Variants in PEF1 observed in about 807,000 individuals in gnomAD.
PEF1 encodes penta-EF-hand domain containing 1.
In PEF1, 17 loss-of-function variants were observed where a neutral mutation model predicts 32.0. The observed-to-expected ratio is 0.53, with a 90% CI of 0.36 to 0.80. PEF1 has a LOEUF of 0.80. Among genes scored for constraint, PEF1 ranks in the 30% least tolerant of loss-of-function variants. The pLI is 0.00. For synonymous variants in PEF1, 130 were observed against 139.8 expected (o/e 0.93, Z 0.50); for missense variants, 362 against 369.1 (o/e 0.98, Z 0.16).
intron 1 of PEF1, among the ~76,000 whole-genome samples, chr1:31,642,261 T>G (rs921092787): frequency 3.3e-5 from 5 of 152,104 alleles, no homozygotes; most frequent in Non-Finnish European, 7.4e-5. Flanking sequence ...AAAAAATTTT[T>G]TTCAAAAAAG....
intron 2 of PEF1, among the ~76,000 whole-genome samples, chr1:31,633,879 C>T (rs568504273): frequency 9.3e-5 from 14 of 151,142 alleles, no homozygotes; most frequent in Admixed American, 4.6e-4. Flanking sequence ...CGCTTGAACC[C>T]GGGAGGTGGA....
At chr1:31,639,203 T>C (rs1043391746) in intron 1 of PEF1, among the ~76,000 whole-genome samples, 4 of 152,080 alleles carry the variant, frequency 2.6e-5, no homozygotes, top group African/African-American at 9.7e-5. Context: ...AGAGTGAGCA[T>C]AGTGCATTCA....
chr1:31,644,819 C>G, intron 1 of PEF1, 22 bp downstream of exon 1: 1 of 1,613,756 alleles, frequency 6.2e-7, no homozygotes. Context: ...TACCTGGATT[C>G]GCGGGCCCCT....
At chr1:31,632,696 C>A in intron 3 of PEF1, 58 bp from the exon 4 acceptor site, 2 of 1,566,242 alleles carry the variant, frequency 1.3e-6, no homozygotes, top group Admixed American at 3.5e-5. Flanking sequence ...GCCAAGGGTC[C>A]CCCTCAGGAC....
intron 2 of PEF1, among the ~76,000 whole-genome samples, chr1:31,634,640 A>G (rs562035180): frequency 2.0e-5 from 3 of 152,048 alleles, no homozygotes; most frequent in Non-Finnish European, 4.4e-5. Flanking sequence ...AATATGGTAC[A>G]ATGGTTTAAA....
chr1:31,632,407 CAA>C (rs1217708586), intron 4 of PEF1, 86 bp downstream of exon 4: 19 of 1,599,324 alleles, frequency 1.2e-5, no homozygotes, highest in Non-Finnish European at 1.5e-5. Context: ...CATTCGGTAA[CAA>C]GAGGAAACCC....
At chr1:31,634,545 C>T (rs1640204921) in intron 2 of PEF1, among the ~76,000 whole-genome samples, 1 of 152,166 alleles carries the variant, frequency 6.6e-6, no homozygotes, top group East Asian at 1.9e-4. Flanking sequence ...AACTGAGTTT[C>T]TCCCCATGGT....
chr1:31,635,394 AG>A lies in PEF1; in HGVS notation c.152del (p.Pro51LeufsTer86), dbSNP rs774459728. 3.1e-6 allele frequency: 5 copies of A among 1,613,176 alleles called. No homozygotes were observed. The part of the protein sequence containing the change: ...PPGGGYGGPA[P>X]GGPYGPPAGG... ...CAGCTGGTGGTCCATAAGGCCCTCCAGGGGCAGGACCCCCATAACCACCACC... is the reference window on the plus strand; with the variant it reads ...CAGCTGGTGGTCCATAAGGCCCTCCAGGGCAGGACCCCCATAACCACCACC... On this transcript the variant is annotated frameshift_variant, in exon 2 of 5. Transcript: ENST00000373703. LOFTEE classifies it high-confidence loss of function.
At chr1:31,636,566 G>A (rs547380499) in intron 1 of PEF1, among the ~76,000 whole-genome samples, 1 of 152,292 alleles carries the variant, frequency 6.6e-6, no homozygotes, top group African/African-American at 2.4e-5. Context: ...TCCTCTCTAA[G>A]CCTCAACATC....
chr1:31,639,977 T>G (rs1229594589), intron 1 of PEF1, among the ~76,000 whole-genome samples: 3 of 152,164 alleles, frequency 2.0e-5, no homozygotes, highest in Non-Finnish European at 4.4e-5. Flanking sequence ...TCCACGTTCT[T>G]TTACACTACT....
chr1:31,630,925 G>T, intron 4 of PEF1, 83 bp from the exon 5 acceptor site: 1 of 1,184,064 alleles, frequency 8.4e-7, no homozygotes, highest in Non-Finnish European at 1.2e-6. Flanking sequence ...GATCACAACA[G>T]TTCAAGGAAC....
At chr1:31,634,438 T>C (rs1307570455) in intron 2 of PEF1, among the ~76,000 whole-genome samples, 2 of 152,146 alleles carry the variant, frequency 1.3e-5, no homozygotes, top group Admixed American at 1.3e-4. Flanking sequence ...CCAGAATTGT[T>C]GTGATGATTA....
intron 1 of PEF1, chr1:31,644,477 C>A (rs985614835): frequency 1.7e-6 from 2 of 1,210,280 alleles, no homozygotes; most frequent in African/African-American, 1.6e-5. Context: ...CAAATGAGAT[C>A]GGCGGAACCA....
intron 4 of PEF1, 109 bp downstream of exon 4, chr1:31,632,386 G>T: frequency 6.4e-7 from 1 of 1,559,456 alleles, no homozygotes; most frequent in Non-Finnish European, 8.8e-7. Context: ...GCATTTTGTA[G>T]TGCAGGTGGA....
chr1:31,634,725 C>A (rs1004043429), intron 2 of PEF1: 2 of 391,538 alleles, frequency 5.1e-6, no homozygotes, highest in African/African-American at 4.2e-5. Flanking sequence ...ACATCCTCTC[C>A]CACTGCCTGG....
chr1:31,643,043 A>C (rs902002546), intron 1 of PEF1, among the ~76,000 whole-genome samples: 1 of 152,224 alleles, frequency 6.6e-6, no homozygotes, highest in Non-Finnish European at 1.5e-5. Context: ...AGTGGGACCC[A>C]AAAGTGTGCT....
intron 3 of PEF1, 36 bp downstream of exon 3, chr1:31,633,123 C>T (rs748405709): frequency 6.3e-7 from 1 of 1,592,336 alleles, no homozygotes; most frequent in Non-Finnish European, 8.6e-7. Flanking sequence ...GGTGGCTCTG[C>T]CCCAGCTCAG....
At position 31,630,721 on chromosome 1, in the gene PEF1, CT is replaced by C; in HGVS notation, c.746del (p.Gln249ArgfsTer5). ...QLDRFIQVCT[Q>X]LQVLTEAFRE... ...GGAAGGCCTCTGTCAGCACCTGCAGCTGGGTGCACACCTGGATGAAGCGGTC... is the reference window on the plus strand; with the variant it reads ...GGAAGGCCTCTGTCAGCACCTGCAGCGGGTGCACACCTGGATGAAGCGGTC... On this transcript the variant is annotated frameshift_variant, in exon 5 of 5. Coordinates refer to ENST00000373703, the MANE Select transcript of PEF1 (RefSeq NM_012392.4). LOFTEE classifies it high-confidence loss of function. 6.2e-7 allele frequency: 1 copy of C among 1,614,160 alleles called. No homozygotes were observed.
rs1273488711 is a variant in PEF1, at chr1:31,632,490, C to T, written c.625+5G>A. 21 of 1,614,114 alleles carry T rather than the reference C, an allele frequency of 1.3e-5. No individual in the cohort carries two copies. Among genetic ancestry groups the T allele is most frequent in the Admixed American group, 6.7e-5 (4 of 60,010 alleles). On this transcript the variant is annotated splice_donor_5th_base_variant and intron_variant, in intron 4 of 4. Coordinates refer to ENST00000373703, the MANE Select transcript of PEF1 (RefSeq NM_012392.4). Reference sequence around the variant, plus strand: ...TGCCCATCGTGCCCCGGCCATGACCCGCACCTTGCTGCAGCTCTGTGTAGC... The same window carrying T: ...TGCCCATCGTGCCCCGGCCATGACCTGCACCTTGCTGCAGCTCTGTGTAGC...
Sources: allele counts gnomAD v4.1 joint callset (sites outside exome capture counted in the v4.1 genomes callset), GRCh38; gene constraint gnomAD v4.1.1; transcripts MANE v1.5; gene names NCBI Gene and HGNC (gene_info 2026-07-23, HGNC 2026-07-21).